Variants in NXPE2 observed in about 807,000 individuals in gnomAD.
NXPE2 encodes neurexophilin and PC-esterase domain family member 2.
A neutral mutation model predicts 34.4 loss-of-function variants in NXPE2; 34 were observed. That is an observed-to-expected ratio of 0.99 (90% confidence interval 0.75 to 1.31). The LOEUF is 1.31. Among genes scored for constraint, NXPE2 ranks in the 40% most tolerant of loss-of-function variants. NXPE2 has a pLI of 0.00. For missense variants in NXPE2, 649 were observed against 672.5 expected (o/e 0.97, Z 0.39); for synonymous variants, 235 against 231.3 (o/e 1.02, Z -0.15).
the NXPE2 span, among the ~76,000 whole-genome samples, chr11:114,533,010 T>C: frequency 6.6e-6 from 1 of 152,194 alleles, no homozygotes; most frequent in African/African-American, 2.4e-5. Context: ...TTAAACATTT[T>C]AAAAGTCAAG....
the NXPE2 span, among the ~76,000 whole-genome samples, chr11:114,739,492 G>A: frequency 2.0e-5 from 3 of 149,758 alleles, no homozygotes; most frequent in African/African-American, 7.4e-5. Context: ...AATAAAATTT[G>A]TATATATTTA....
chr11:114,578,081 G>A, the NXPE2 span, among the ~76,000 whole-genome samples: 391 of 152,258 alleles, frequency 2.6e-3, 5 homozygotes, highest in Non-Finnish European at 3.8e-3. Flanking sequence ...AGGGCTAACT[G>A]CTTTGTAGTT....
rs916611822 is a variant in NXPE2, at chr11:114,700,970, A to T, written c.866+2192A>T. 2.0e-5 allele frequency among the ~76,000 whole-genome samples: 3 copies of T among 152,206 alleles called. No homozygotes were observed. The East Asian group carries it at 5.8e-4, about 30-fold the overall frequency. On this transcript the variant is annotated intron_variant, in intron 3 of 5. Transcript: ENST00000389586. ...GGAAATTCAAGTTCAAATCCAATTT[A>T]AGCATTATGATGACACAGAGAGCTG...
the NXPE2 span, among the ~76,000 whole-genome samples, chr11:114,648,309 T>C: frequency 5.9e-5 from 9 of 152,108 alleles, no homozygotes; most frequent in South Asian, 1.5e-3. Context: ...AGCTGGTAGG[T>C]TGAAGGTCCA....
chr11:114,524,137 G>C, the NXPE2 span, among the ~76,000 whole-genome samples: 1 of 152,168 alleles, frequency 6.6e-6, no homozygotes, highest in Non-Finnish European at 1.5e-5. Context: ...CTAGTAGTAA[G>C]GGAAGAAATG....
At chr11:114,750,215 G>A in the NXPE2 span, among the ~76,000 whole-genome samples, 3 of 152,184 alleles carry the variant, frequency 2.0e-5, no homozygotes, top group Non-Finnish European at 2.9e-5. Context: ...AAAGAGAAGT[G>A]AAAGATCTCA....
chr11:114,528,812 G>T, the NXPE2 span: 1 of 680,564 alleles, frequency 1.5e-6, no homozygotes. Context: ...TCCTGCTATA[G>T]ATGTCTCTCC....
chr11:114,637,763 C>G, the NXPE2 span, among the ~76,000 whole-genome samples: 2 of 151,744 alleles, frequency 1.3e-5, no homozygotes, highest in Admixed American at 1.3e-4. Context: ...GTTGAAAATT[C>G]TTCTCTTTAA....
chr11:114,611,368 A>T, the NXPE2 span, among the ~76,000 whole-genome samples: 1 of 151,880 alleles, frequency 6.6e-6, no homozygotes, highest in Non-Finnish European at 1.5e-5. Context: ...CCCGGTGGAT[A>T]ATAAGTGTTG....
the NXPE2 span, among the ~76,000 whole-genome samples, chr11:114,638,482 G>A: frequency 4.5e-3 from 691 of 152,046 alleles, 7 homozygotes; most frequent in African/African-American, 0.016. Context: ...GTCATTCTCC[G>A]TCCAACTTTG....
At chr11:114,594,702 A>G in the NXPE2 span, 2 of 1,604,260 alleles carry the variant, frequency 1.2e-6, no homozygotes, top group Non-Finnish European at 8.5e-7. Context: ...ATGATCCAGG[A>G]GGCTAATATA....
At chr11:114,614,974 T>A in the NXPE2 span, among the ~76,000 whole-genome samples, 1 of 151,382 alleles carries the variant, frequency 6.6e-6, no homozygotes, top group South Asian at 2.1e-4. Context: ...AAGTATTGCC[T>A]CGTGAGTAAC....
the NXPE2 span, among the ~76,000 whole-genome samples, chr11:114,747,796 T>C: frequency 5.9e-5 from 9 of 152,302 alleles, no homozygotes; most frequent in Non-Finnish European, 7.3e-5. Context: ...CCAAACCATA[T>C]CACCTCACAT....
At chr11:114,663,672 A>G in the NXPE2 span, among the ~76,000 whole-genome samples, 6 of 129,456 alleles carry the variant, frequency 4.6e-5, no homozygotes, top group South Asian at 1.1e-3. Flanking sequence ...TCTATCATCT[A>G]TCTATTTATC....
the NXPE2 span, among the ~76,000 whole-genome samples, chr11:114,758,551 G>C: frequency 1.3e-5 from 2 of 152,234 alleles, no homozygotes; most frequent in South Asian, 4.1e-4. Flanking sequence ...AGAGCAGAGA[G>C]CATTTGTCAC....
At chr11:114,602,580 CATAT>C in the NXPE2 span, among the ~76,000 whole-genome samples, 4 of 139,134 alleles carry the variant, frequency 2.9e-5, no homozygotes, top group East Asian at 8.4e-4. Flanking sequence ...ATAATTATCT[CATAT>C]ATAAATTACA....
At chr11:114,629,545 C>G in the NXPE2 span, among the ~76,000 whole-genome samples, 1 of 151,788 alleles carries the variant, frequency 6.6e-6, no homozygotes, top group East Asian at 1.9e-4. Context: ...CTATCTATGA[C>G]AAACCCACAG....
At chr11:114,719,270 G>A in the NXPE2 span, among the ~76,000 whole-genome samples, 2 of 152,010 alleles carry the variant, frequency 1.3e-5, no homozygotes, top group Non-Finnish European at 2.9e-5. Context: ...CCAAACCCAG[G>A]AAATGACAGA....
At chr11:114,619,093 C>T in the NXPE2 span, among the ~76,000 whole-genome samples, 2 of 152,004 alleles carry the variant, frequency 1.3e-5, no homozygotes, top group African/African-American at 4.8e-5. Flanking sequence ...CATGGGTAAC[C>T]ACTGTTGCAC....
Sources: allele counts gnomAD v4.1 joint callset (sites outside exome capture counted in the v4.1 genomes callset), GRCh38; gene constraint gnomAD v4.1.1; transcripts MANE v1.5; gene names NCBI Gene and HGNC (gene_info 2026-07-23, HGNC 2026-07-21).